MAPRE2: variants seen among roughly 807,000 people sequenced by gnomAD.
MAPRE2 encodes microtubule associated protein RP/EB family member 2.
Under a neutral mutation model 43.2 loss-of-function variants are expected in MAPRE2, and 13 were observed. The observed-to-expected ratio is 0.30, with a 90% CI of 0.20 to 0.48. The LOEUF is 0.48. Ranked by LOEUF, MAPRE2 falls within the 20% of genes least tolerant of loss-of-function variation. The probability of loss-of-function intolerance (pLI) is 0.99; values close to 1 mark genes in which losing one functional copy is unlikely to be tolerated. For synonymous variants in MAPRE2, 135 were observed against 148.8 expected, an observed-to-expected ratio of 0.91 and a Z score of 0.68; for missense variants, 161 against 400.2, an observed-to-expected ratio of 0.40 and a Z score of 5.10.
intron 2 of MAPRE2, among the ~76,000 whole-genome samples, chr18:35,096,730 CTTAATAA>C (rs1262721185): frequency 4.0e-5 from 6 of 151,770 alleles, no homozygotes; most frequent in East Asian, 3.9e-4. Flanking sequence ...CAATTTAATA[CTTAATAA>C]TTAATAAGTA....
At chr18:34,977,998 GGCAGA>G (rs887236036) in intron 1 of MAPRE2, among the ~76,000 whole-genome samples, 2 of 152,182 alleles carry the variant, frequency 1.3e-5, no homozygotes, top group African/African-American at 4.8e-5. Flanking sequence ...CAGTGCCAAG[GGCAGA>G]GCCGTAACCT....
At chr18:35,092,240 A>G (rs184883820) in intron 2 of MAPRE2, among the ~76,000 whole-genome samples, 7 of 152,340 alleles carry the variant, frequency 4.6e-5, no homozygotes, top group African/African-American at 1.4e-4. Flanking sequence ...GTGGGGACGC[A>G]GATCCAAACC....
At position 35,077,162 on chromosome 18, in the gene MAPRE2, A is replaced by G. The variant is rs565974708; in HGVS notation, c.250+6840A>G. ...TAACAGGAATAAGTGAATCAGTGAC[A>G]TATTAGAAACAGGATTAATAATTGC... On this transcript the variant is annotated intron_variant, in intron 2 of 6. Transcript: ENST00000300249. Among the ~76,000 whole-genome samples the G allele has an allele frequency of 3.8e-3, 576 of 152,376 alleles. 3 individuals carry two copies. Among genetic ancestry groups the G allele is most frequent in the Non-Finnish European group, 7.1e-3 (484 of 68,040 alleles).
intron 2 of MAPRE2, among the ~76,000 whole-genome samples, chr18:35,090,203 G>A (rs1278084700): frequency 6.6e-6 from 1 of 152,138 alleles, no homozygotes; most frequent in East Asian, 1.9e-4. Context: ...AATATATGCT[G>A]GAATTAAATA....
intron 2 of MAPRE2, chr18:35,005,689 C>A (rs971925351): frequency 2.1e-6 from 1 of 483,264 alleles, no homozygotes; most frequent in Non-Finnish European, 3.6e-6. Context: ...AGTAAATATG[C>A]TCTTTTAAAA....
chr18:35,027,948 C>G (rs1449161785), intron 2 of MAPRE2, among the ~76,000 whole-genome samples: 2 of 152,188 alleles, frequency 1.3e-5, no homozygotes, highest in African/African-American at 4.8e-5. Flanking sequence ...CCCTCTGGGC[C>G]TCTCTACATG....
In MAPRE2 at chr18:35,097,582, C is replaced by T. The variant is rs750392221; in HGVS notation, c.387C>T (p.Asn129=). Residue 129 remains asparagine, a synonymous_variant, in exon 3 of 7, where the codon AAC becomes AAT. Transcript: ENST00000300249. The stretch of plus-strand genomic sequence containing the variant: ...TGCAAGCATCATTTAAGCGAATGAA[C>T]GTTGATAAGGTAGGAGACTTGTACC... ...KLLQASFKRM[N]VDKVIPVEKL... is the part of the protein sequence containing the mutation. 22 of 1,611,936 alleles carry T rather than the reference C, an allele frequency of 1.4e-5. No individual in the cohort carries two copies. In the Admixed American group the frequency reaches 1.7e-4, roughly 12 times the overall value.
At chr18:35,116,908 A>T (rs1047741336) in intron 4 of MAPRE2, among the ~76,000 whole-genome samples, 2 of 152,112 alleles carry the variant, frequency 1.3e-5, no homozygotes, top group African/African-American at 4.8e-5. Flanking sequence ...TTTGTTTGTC[A>T]CACCGAGGTT....
At chr18:34,990,222 A>G (rs2097023076) in intron 1 of MAPRE2, among the ~76,000 whole-genome samples, 1 of 152,156 alleles carries the variant, frequency 6.6e-6, no homozygotes. Flanking sequence ...CTTATAAAAA[A>G]CATGCTTGGT....
chr18:35,130,235 G>C (rs1430182854), intron 5 of MAPRE2, among the ~76,000 whole-genome samples: 2 of 152,170 alleles, frequency 1.3e-5, no homozygotes, highest in Non-Finnish European at 2.9e-5. Context: ...TCCAAACCTG[G>C]GGAGAGGTTG....
At chr18:35,062,024 C>G (rs1282748843) in intron 1 of MAPRE2, among the ~76,000 whole-genome samples, 1 of 152,204 alleles carries the variant, frequency 6.6e-6, no homozygotes, top group Non-Finnish European at 1.5e-5. Flanking sequence ...TACACTGTCC[C>G]TCCCTATGGA....
In MAPRE2 at chr18:35,140,450, T is replaced by C. The variant is rs1910584131; in HGVS notation, c.*81T>C. 5 of 1,343,942 alleles carry C rather than the reference T, an allele frequency of 3.7e-6. No individual in the cohort carries two copies. Among genetic ancestry groups the C allele is most frequent in the Non-Finnish European group, 5.2e-6 (5 of 967,986 alleles). The allele number at this position is 1,343,942 out of a possible 1,614,324, so 83.3% of individuals were successfully genotyped here. ...AATTGGAACATGTGTGGCCCCAAGC[T>C]CAACAGAAACCAGTTGTTCCCAATC... On this transcript the variant is annotated 3_prime_UTR_variant, in exon 7 of 7. Transcript: ENST00000300249.
intron 1 of MAPRE2, among the ~76,000 whole-genome samples, chr18:34,999,748 C>T (rs947459059): frequency 6.6e-6 from 1 of 152,136 alleles, no homozygotes; most frequent in Non-Finnish European, 1.5e-5. Flanking sequence ...AGACTTAACC[C>T]AAGATTCAGT....
intron 4 of MAPRE2, among the ~76,000 whole-genome samples, chr18:35,112,744 C>T (rs1458844785): frequency 6.6e-6 from 1 of 152,196 alleles, no homozygotes; most frequent in Admixed American, 6.5e-5. Flanking sequence ...CACTGCTAGA[C>T]TTTTCTCCTC....
rs533476811 is a variant in MAPRE2 at position 35,118,834 on chromosome 18, A to G, written c.611-8114A>G. On this transcript the variant is annotated intron_variant, in intron 4 of 6. Transcript: ENST00000300249. Reference sequence around the variant, plus strand: ...CCCACCTGACCTGGCTGCTGAGTGGAGAAGGCAGGGCCTTTGCACCCCCAT... The same window carrying G: ...CCCACCTGACCTGGCTGCTGAGTGGGGAAGGCAGGGCCTTTGCACCCCCAT... 2.0e-5 allele frequency among the ~76,000 whole-genome samples: 3 copies of G among 152,190 alleles called. No individual in the cohort carries two copies. The South Asian group carries it at 6.2e-4, about 32-fold the overall frequency.
chr18:35,083,103 A>G (rs1041600399), intron 2 of MAPRE2, among the ~76,000 whole-genome samples: 7 of 152,146 alleles, frequency 4.6e-5, no homozygotes, highest in Non-Finnish European at 1.0e-4. Flanking sequence ...TGACTACAAA[A>G]ATTAGATAAG....
At chr18:35,007,138 A>G (rs1474362832) in intron 2 of MAPRE2, among the ~76,000 whole-genome samples, 1 of 152,216 alleles carries the variant, frequency 6.6e-6, no homozygotes, top group African/African-American at 2.4e-5. Flanking sequence ...TTCTGTGTCT[A>G]TAGCTGCGGA....
chr18:35,129,301 C>G (rs1013414199), intron 5 of MAPRE2, among the ~76,000 whole-genome samples: 1 of 152,146 alleles, frequency 6.6e-6, no homozygotes, highest in African/African-American at 2.4e-5. Flanking sequence ...GCCCCCTGAG[C>G]CTGGTAGGGG....
intron 4 of MAPRE2, among the ~76,000 whole-genome samples, chr18:35,126,096 A>T (rs2144235471): frequency 6.6e-6 from 1 of 152,338 alleles, no homozygotes; most frequent in South Asian, 2.1e-4. Flanking sequence ...AGTGTTCCTT[A>T]AAAAGGATTG....
Sources: allele counts gnomAD v4.1 joint callset (sites outside exome capture counted in the v4.1 genomes callset), GRCh38; gene constraint gnomAD v4.1.1; transcripts MANE v1.5; gene names NCBI Gene and HGNC (gene_info 2026-07-23, HGNC 2026-07-21).